Variants in AMBP observed in about 807,000 individuals in gnomAD.
The protein encoded by AMBP is protein AMBP.
In AMBP, 37 loss-of-function variants were observed where a neutral mutation model predicts 46.3. That is an observed-to-expected ratio of 0.80 (90% CI 0.61 to 1.05). The LOEUF (loss-of-function observed/expected upper bound fraction) is 1.05, where lower values mean the gene tolerates loss of function less well. Ranked by LOEUF, AMBP falls within the 50% of genes least tolerant of loss-of-function variation. AMBP has a pLI of 0.00. For synonymous variants in AMBP, 174 were observed against 175.9 expected, an observed-to-expected ratio of 0.99 and a Z score of 0.09; for missense variants, 475 against 461.2, an observed-to-expected ratio of 1.03 and a Z score of -0.27.
At chr9:114,065,075 C>T (rs1846680382) in intron 6 of AMBP, among the ~76,000 whole-genome samples, 1 of 152,140 alleles carries the variant, frequency 6.6e-6, no homozygotes, top group Non-Finnish European at 1.5e-5. Context: ...TATATCACAC[C>T]AGCCCACCTA....
chr9:114,074,853 A>G, intron 3 of AMBP, 107 bp downstream of exon 3: 1 of 948,504 alleles, frequency 1.1e-6, no homozygotes, highest in Non-Finnish European at 1.7e-6. Context: ...GCTAGATGAC[A>G]TCTCAGCTAA....
Position 114,069,737 on chromosome 9 carries a change from C to T in AMBP, c.565G>A (p.Val189Ile). The part of the protein sequence containing the change: ...IFTMADRGEC[V>I]PGEQEPEPIL... ...GGCTCTGGTTCCTGCTCCCCAGGGA[C>T]ACATTCACCTAGGTCACAGAGCAGG... The change falls in exon 6 of 10, where the codon GTC becomes ATC. Residue 189 changes from valine to isoleucine, a missense_variant. Transcript: ENST00000265132. The T allele has an allele frequency of 6.2e-7, 1 of 1,614,136 alleles. No homozygotes were observed. The highest frequency in any genetic ancestry group is 1.3e-5 in the African/African-American group (1 of 75,032).
Position 114,067,693 on chromosome 9 carries a change from C to T in AMBP, c.603+2006G>A, listed in dbSNP as rs867531116. 4.6e-5 allele frequency among the ~76,000 whole-genome samples: 7 copies of T among 152,106 alleles called. No homozygotes were observed. The East Asian group carries it at 9.6e-4, about 21-fold the overall frequency. On this transcript the variant is annotated intron_variant, in intron 6 of 9. Transcript: ENST00000265132. ...AAGAGAAGAAATATCACACGGGTCT[C>T]GGGCTTTTTCATAGCAATAATCGGC...
Position 114,062,715 on chromosome 9 carries a change from CCT to C in AMBP, c.645_646del (p.Gly217TrpfsTer6). ...GACTTCAGTTACCAGTTGCCCACCC[CCT>C]GATCCTTCCTCTTCTTGGGGTAGCA... On this transcript the variant is annotated frameshift_variant, in exon 7 of 10. Transcript: ENST00000265132. LOFTEE classifies it high-confidence loss of function. 6.2e-7 allele frequency: 1 copy of C among 1,614,050 alleles called. No homozygotes were observed. Among genetic ancestry groups the C allele is most frequent in the South Asian group, 1.1e-5 (1 of 91,068 alleles).
chr9:114,063,938 T>G (rs1215051385), intron 6 of AMBP, among the ~76,000 whole-genome samples: 1 of 152,188 alleles, frequency 6.6e-6, no homozygotes, highest in Admixed American at 6.5e-5. Context: ...AAGAAAGATT[T>G]GAGTTGCCCA....
At chr9:114,076,002 T>C (rs1004428571) in intron 2 of AMBP, among the ~76,000 whole-genome samples, 18 of 151,448 alleles carry the variant, frequency 1.2e-4, no homozygotes, top group African/African-American at 3.6e-4. Flanking sequence ...GCTGGGAGGG[T>C]CCTGGAAAGC....
At chr9:114,076,153 A>G (rs945325170) in intron 2 of AMBP, among the ~76,000 whole-genome samples, 1 of 151,880 alleles carries the variant, frequency 6.6e-6, no homozygotes, top group African/African-American at 2.4e-5. Context: ...GAGGTGAGGA[A>G]AGAGTAGAGA....
At chr9:114,072,569 T>C (rs1175283305) in intron 5 of AMBP, among the ~76,000 whole-genome samples, 1 of 151,602 alleles carries the variant, frequency 6.6e-6, no homozygotes, top group African/African-American at 2.4e-5. Flanking sequence ...GCCACAGAGG[T>C]TTCCAGCCAG....
intron 3 of AMBP, among the ~76,000 whole-genome samples, chr9:114,074,738 T>C (rs1193678742): frequency 6.6e-6 from 1 of 151,928 alleles, no homozygotes; most frequent in African/African-American, 2.4e-5. Context: ...ACCATCACCC[T>C]ACTCTGGGCA....
intron 8 of AMBP, 160 bp from the exon 9 acceptor site, chr9:114,061,258 G>C (rs769901150): frequency 1.4e-6 from 2 of 1,397,404 alleles, no homozygotes; most frequent in African/African-American, 2.9e-5. Flanking sequence ...TGATTTGCCC[G>C]AGGTCCTCCA....
chr9:114,060,934 G>T lies in AMBP; in HGVS notation c.1018C>A (p.Pro340Thr). 1 of 1,613,602 alleles carries T rather than the reference G, an allele frequency of 6.2e-7. No individual in the cohort carries two copies. ...CTGCAGGGCTGCCTACCATCACCAGGGACACCGCAGTACTCTCTGCACTCC... is the reference window on the plus strand; with the variant it reads ...CTGCAGGGCTGCCTACCATCACCAGTGACACCGCAGTACTCTCTGCACTCC... The part of the protein sequence containing the change: ...EKECREYCGV[P>T]GDGDEELLRF... Residue 340 changes from proline (P) to threonine (T), a missense_variant, in exon 9 of 10, where the codon CCT (proline) becomes ACT (threonine). By Grantham distance (38) the Pro-to-Thr change is conservative. Transcript: ENST00000265132.
chr9:114,075,151 T>A, intron 2 of AMBP, 115 bp from the exon 3 acceptor site: 1 of 765,240 alleles, frequency 1.3e-6, no homozygotes, highest in South Asian at 1.8e-5. Flanking sequence ...TTTTTGTTTG[T>A]GTGTTTTTGT....
At position 114,070,746 on chromosome 9, in the gene AMBP, C is replaced by T. The variant is rs114257604; in HGVS notation, c.557-1001G>A. 4.4e-3 allele frequency among the ~76,000 whole-genome samples: 671 copies of T among 152,266 alleles called. 8 individuals are homozygous for T. Among genetic ancestry groups the T allele is most frequent in the African/African-American group, 0.013 (560 of 41,556 alleles). ...CAGCCAGTGGCATGGCCACCAGGCC[C>T]ACCCCACTAAGGGCACCAGGTTCCT... is the stretch of plus-strand genomic sequence containing the variant. On this transcript the variant is annotated intron_variant, in intron 5 of 9. Coordinates refer to ENST00000265132, the MANE Select transcript of AMBP (RefSeq NM_001633.4).
chr9:114,069,834 G>T, intron 5 of AMBP, 89 bp from the exon 6 acceptor site: 1 of 1,412,028 alleles, frequency 7.1e-7, no homozygotes, highest in Non-Finnish European at 1.0e-6. Flanking sequence ...GGTGAGCATC[G>T]TGCTGGGAAC....
At chr9:114,074,583 A>C (rs1846784544) in intron 3 of AMBP, among the ~76,000 whole-genome samples, 2 of 152,254 alleles carry the variant, frequency 1.3e-5, no homozygotes, top group Non-Finnish European at 2.9e-5. Flanking sequence ...CATATTCAAT[A>C]AACATTTTCT....
intron 2 of AMBP, among the ~76,000 whole-genome samples, chr9:114,075,309 C>T (rs911766062): frequency 3.3e-5 from 5 of 151,806 alleles, no homozygotes; most frequent in Admixed American, 1.3e-4. Flanking sequence ...GCACTAATGC[C>T]GCCTTCCTTA....
At position 114,076,695 on chromosome 9, in the gene AMBP, AG is replaced by A. The variant is rs1338594146; in HGVS notation, c.162del (p.Trp55GlyfsTer2). ...ATCCTGTCCATGATCTTCTTCAGCC[AG>A]GGGCAGGTGGAACCGATGGCCAGGT... ...WYNLAIGSTCPWLKKIMDRMT... is the reference protein window; with the variant it reads ...WYNLAIGSTCXWLKKIMDRMT... On this transcript the variant is annotated frameshift_variant, in exon 2 of 10. Coordinates refer to ENST00000265132, the MANE Select transcript of AMBP (RefSeq NM_001633.4). LOFTEE classifies it high-confidence loss of function. The A allele has an allele frequency of 6.2e-7, 1 of 1,613,862 alleles. No homozygotes were observed. Among genetic ancestry groups the A allele is most frequent in the African/African-American group, 1.3e-5 (1 of 74,888 alleles).
In AMBP at chr9:114,061,464, G is replaced by A. The variant is rs764656126; in HGVS notation, c.813C>T (p.Phe271=). Residue 271 remains phenylalanine (F), a synonymous_variant, in exon 8 of 10, where the codon TTC becomes TTT. Coordinates refer to ENST00000265132, the MANE Select transcript of AMBP (RefSeq NM_001633.4). ...TCTGCAGACACTCCTTTTCTGTGAC[G>A]AAGTTGTTACCGTTGCCCATGCAGC... is the stretch of plus-strand genomic sequence containing the variant. ...YGGCMGNGNN[F]VTEKECLQTC... 13 of 1,614,000 alleles carry A rather than the reference G, an allele frequency of 8.1e-6. No homozygotes were observed. Among genetic ancestry groups the A allele is most frequent in the East Asian group, 4.5e-5 (2 of 44,896 alleles).
chr9:114,062,639 A>C, intron 7 of AMBP, 38 bp downstream of exon 7: 8 of 1,602,694 alleles, frequency 5.0e-6, no homozygotes, highest in Non-Finnish European at 6.8e-6. Context: ...TCCTTTCTGG[A>C]GTATGGCAGA....
Sources: allele counts gnomAD v4.1 joint callset (sites outside exome capture counted in the v4.1 genomes callset), GRCh38; gene constraint gnomAD v4.1.1; transcripts MANE v1.5; gene names NCBI Gene and HGNC (gene_info 2026-07-23, HGNC 2026-07-21).